The following CAMSAP1 variants were observed in gnomAD, a reference collection of about 807,000 sequenced individuals.
CAMSAP1 encodes calmodulin-regulated spectrin-associated protein 1.
CAMSAP1 carries 58 observed loss-of-function variants against 143.5 expected under a neutral mutation model. That is an observed-to-expected ratio of 0.40 (90% confidence interval 0.33 to 0.50). The LOEUF is 0.50. Among genes scored for constraint, CAMSAP1 ranks in the 20% least tolerant of loss-of-function variants. The probability of loss-of-function intolerance (pLI) is 0.45; values close to 1 mark genes in which losing one functional copy is unlikely to be tolerated. For synonymous variants in CAMSAP1, 945 were observed against 859.3 expected, an observed-to-expected ratio of 1.10 and a Z score of -1.74; for missense variants, 1,969 against 2,115.7, an observed-to-expected ratio of 0.93 and a Z score of 1.36.
chr9:135,845,600 T>C (rs1014481840), intron 7 of CAMSAP1, among the ~76,000 whole-genome samples: 1 of 152,208 alleles, frequency 6.6e-6, no homozygotes, highest in African/African-American at 2.4e-5. Flanking sequence ...GATGACATGA[T>C]TGTATATTCA....
At chr9:135,883,732 T>C (rs550472981) in intron 1 of CAMSAP1, among the ~76,000 whole-genome samples, 8 of 152,320 alleles carry the variant, frequency 5.3e-5, no homozygotes, top group African/African-American at 1.9e-4. Flanking sequence ...TGAACCACGC[T>C]ACTTAATCTT....
At chr9:135,836,289 G>A (rs868809159) in intron 7 of CAMSAP1, 22 of 979,030 alleles carry the variant, frequency 2.2e-5, no homozygotes, top group Non-Finnish European at 2.4e-5. Context: ...ACATCACCAC[G>A]TACCTTCTAC....
At chr9:135,865,229 A>G in intron 4 of CAMSAP1, 1 of 1,156,600 alleles carries the variant, frequency 8.6e-7, no homozygotes, top group Non-Finnish European at 1.3e-6. Flanking sequence ...TTAAACAACA[A>G]CAACAAAAAA....
At chr9:135,855,979 G>C (rs1836951011) in intron 5 of CAMSAP1, among the ~76,000 whole-genome samples, 1 of 152,096 alleles carries the variant, frequency 6.6e-6, no homozygotes, top group Non-Finnish European at 1.5e-5. Flanking sequence ...GTGAACCTGG[G>C]AGGTGGAGCT....
chr9:135,886,133 A>G (rs1416519172), intron 1 of CAMSAP1, among the ~76,000 whole-genome samples: 1 of 152,200 alleles, frequency 6.6e-6, no homozygotes, highest in Non-Finnish European at 1.5e-5. Flanking sequence ...TCTACAAACC[A>G]GTAAGACTGT....
rs1007609419 is a variant in CAMSAP1 at position 135,818,826 on chromosome 9, C to G, written c.3959+184G>C. Reference sequence around the variant, plus strand: ...ACACAGCCTCCCTGGCCACCGGCAACGCACGTCCTCACTGAAGATCAGCAG... The same window carrying G: ...ACACAGCCTCCCTGGCCACCGGCAAGGCACGTCCTCACTGAAGATCAGCAG... On this transcript the variant is annotated intron_variant, in intron 12 of 16. Transcript: ENST00000389532. This position sits in a 1 kb window ranked among gnomAD's most constrained non-coding sequence, Gnocchi z 7.7. Among the ~76,000 whole-genome samples the G allele has an allele frequency of 6.6e-6, 1 of 152,188 alleles. No individual in the cohort carries two copies. Among genetic ancestry groups the G allele is most frequent in the Non-Finnish European group, 1.5e-5 (1 of 68,038 alleles).
chr9:135,880,293 T>G (rs1194894456), intron 3 of CAMSAP1, among the ~76,000 whole-genome samples: 1 of 151,908 alleles, frequency 6.6e-6, no homozygotes, highest in Non-Finnish European at 1.5e-5. Flanking sequence ...CGCCGCCAGG[T>G]GAGAGCCAGG....
rs558039185 is a variant in CAMSAP1, at chr9:135,871,003, G to A, written c.586-4467C>T. On this transcript the variant is annotated intron_variant, in intron 3 of 16. Transcript: ENST00000389532. ...ACAGATTTGCATACTTCTCAGAAAA[G>A]ACTGTGAAAATACTATCCCCTCTTC... Among the ~76,000 whole-genome samples, 6 of 152,250 alleles carry A rather than the reference G, an allele frequency of 3.9e-5. 1 individual carries two copies. In the South Asian group the frequency reaches 1.2e-3, roughly 32 times the overall value.
chr9:135,865,124 T>A, intron 4 of CAMSAP1: 1 of 569,608 alleles, frequency 1.8e-6, no homozygotes. Context: ...GGGCGAAATG[T>A]AACTTAAGAG....
Position 135,826,193 on chromosome 9 carries a change from A to AGC in CAMSAP1, c.1223+1212_1223+1213dup, listed in dbSNP as rs60377963. On this transcript the variant is annotated intron_variant, in intron 8 of 16. Transcript: ENST00000389532. This position sits in a 1 kb window ranked among gnomAD's most constrained non-coding sequence, Gnocchi z 4.4. ...ACAGAGCAGCGTGTACACGGGCACC[A>AGC]GCACACACACACACACACACACGGC... The AGC allele has an allele frequency of 6.8e-6, 1 of 146,166 alleles. No homozygotes were observed. Among genetic ancestry groups the AGC allele is most frequent in the Non-Finnish European group, 1.6e-5 (1 of 64,268 alleles). 9.1% of individuals were successfully genotyped at this position (146,166 alleles called of 1,614,324 possible).
At chr9:135,833,216 G>A (rs1835911202) in intron 7 of CAMSAP1, among the ~76,000 whole-genome samples, 2 of 151,462 alleles carry the variant, frequency 1.3e-5, no homozygotes, top group African/African-American at 4.8e-5. Flanking sequence ...CAAGTAGCTG[G>A]GACTACAGGC....
chr9:135,907,095 C>T lies in CAMSAP1; in HGVS notation c.65G>A (p.Gly22Asp). Residue 22 changes from glycine (G) to aspartate (D), a missense_variant, in exon 1 of 17, where the codon GGC (glycine) becomes GAC (aspartate). By Grantham distance (94) the Gly-to-Asp change is moderately conservative (BLOSUM62 -1). This residue lies in a region of CAMSAP1 where 215 missense variants were observed against 196.2 expected (regional missense o/e 1.10). Coordinates refer to ENST00000389532, the MANE Select transcript of CAMSAP1 (RefSeq NM_015447.4). ...GWRKMEAPPD[G>D]AADLVPLDRY... Reference sequence around the variant, plus strand: ...GTCCAGGGGCACGAGGTCGGCGGCGCCGTCCGGCGGGGCCTCCATCTTCCT... The same window carrying T: ...GTCCAGGGGCACGAGGTCGGCGGCGTCGTCCGGCGGGGCCTCCATCTTCCT... The T allele has an allele frequency of 8.7e-7, 1 of 1,147,946 alleles. No individual in the cohort carries two copies. The highest frequency in any genetic ancestry group is 1.1e-6 in the Non-Finnish European group (1 of 930,652). 71.1% of individuals were successfully genotyped at this position (1,147,946 alleles called of 1,614,324 possible).
At chr9:135,854,706 A>G (rs752048138) in intron 5 of CAMSAP1, among the ~76,000 whole-genome samples, 1 of 152,078 alleles carries the variant, frequency 6.6e-6, no homozygotes, top group Non-Finnish European at 1.5e-5. Flanking sequence ...CCCCCGCCTC[A>G]GCCTCCCAAA....
At chr9:135,831,276 A>G (rs975059303) in intron 7 of CAMSAP1, among the ~76,000 whole-genome samples, 1 of 152,234 alleles carries the variant, frequency 6.6e-6, no homozygotes, top group Non-Finnish European at 1.5e-5. Flanking sequence ...GGGAATTTTA[A>G]AAGTATCTTA....
At chr9:135,872,420 TA>T (rs1837598330) in intron 3 of CAMSAP1, among the ~76,000 whole-genome samples, 1 of 150,892 alleles carries the variant, frequency 6.6e-6, no homozygotes, top group Non-Finnish European at 1.5e-5. Context: ...TACAGGAGGA[TA>T]AAAGGGAGTA....
chr9:135,901,376 TA>T (rs1838611495), intron 1 of CAMSAP1, among the ~76,000 whole-genome samples: 1 of 152,104 alleles, frequency 6.6e-6, no homozygotes, highest in African/African-American at 2.4e-5. Flanking sequence ...CCAAGGTGGG[TA>T]GGAGCACTGC....
At chr9:135,868,924 C>T (rs1027645095) in intron 3 of CAMSAP1, among the ~76,000 whole-genome samples, 22 of 151,880 alleles carry the variant, frequency 1.4e-4, no homozygotes, top group Non-Finnish European at 2.2e-4. Flanking sequence ...CCAAGATTGG[C>T]AATATCAATG....
intron 1 of CAMSAP1, among the ~76,000 whole-genome samples, chr9:135,885,812 C>A (rs1270368001): frequency 6.6e-6 from 1 of 152,178 alleles, no homozygotes; most frequent in South Asian, 2.1e-4. Flanking sequence ...ACTAAAGATA[C>A]AAGCTTCAGA....
At chr9:135,894,674 T>C (rs1330706780) in intron 1 of CAMSAP1, among the ~76,000 whole-genome samples, 1 of 152,176 alleles carries the variant, frequency 6.6e-6, no homozygotes, top group Non-Finnish European at 1.5e-5. Context: ...AGGACAGGCC[T>C]GCATGCTAAA....
Sources: gnomAD v4.1 joint callset for allele counts (sites outside exome capture counted in the v4.1 genomes callset) on GRCh38, gnomAD v4.1.1 for gene constraint, gnomAD v4.1.1 regional missense constraint, Gnocchi (gnomAD v3.1) non-coding constraint, MANE v1.5 for transcripts, NCBI Gene and HGNC (gene_info 2026-07-23, HGNC 2026-07-21) for gene names.